Variants in CYRIA observed in about 807,000 individuals in gnomAD.
The protein encoded by CYRIA is CYFIP related Rac1 interactor A, also known as CYFIP-related Rac1 interactor A.
CYRIA carries 15 observed loss-of-function variants against 43.9 expected under a neutral mutation model. The observed-to-expected ratio is 0.34, with a 90% CI of 0.23 to 0.53. The LOEUF is 0.53. CYRIA is among the 20% of genes least tolerant of loss of function. The probability of loss-of-function intolerance (pLI) is 0.94; values close to 1 mark genes in which losing one functional copy is unlikely to be tolerated. For missense variants in CYRIA, 236 were observed against 394.2 expected (o/e 0.60, Z 3.40); for synonymous variants, 117 against 136.0 (o/e 0.86, Z 0.97).
chr2:16,561,202 G>A lies in CYRIA; in HGVS notation c.589C>T (p.Leu197=), dbSNP rs548693792. The change falls in exon 8 of 12, where the codon CTG becomes TTG. Residue 197 remains leucine, a synonymous_variant. Coordinates refer to ENST00000381323, the MANE Select transcript of CYRIA (RefSeq NM_030797.4). ...SLFYAEATPM[L]KTLSNATMHF... ...ATTGTGGCATTGCTAAGGGTTTTCA[G>A]CATTGGCGTGGCTTCTGCATAGAAG... 1.9e-6 allele frequency: 3 copies of A among 1,613,792 alleles called. No homozygotes were observed. The African/African-American group carries it at 4.0e-5, about 22-fold the overall frequency.
intron 10 of CYRIA, among the ~76,000 whole-genome samples, chr2:16,558,135 G>T (rs76092983): frequency 6.6e-6 from 1 of 152,064 alleles, no homozygotes; most frequent in Non-Finnish European, 1.5e-5. Context: ...CTGTATGAAC[G>T]GTGATCCTCT....
intron 1 of CYRIA, among the ~76,000 whole-genome samples, chr2:16,649,720 C>T (rs960196974): frequency 6.6e-6 from 1 of 151,874 alleles, no homozygotes; most frequent in Non-Finnish European, 1.5e-5. Flanking sequence ...TTGTACAGTA[C>T]AGGGGATGGC....
At chr2:16,591,483 A>G (rs896799737) in intron 2 of CYRIA, among the ~76,000 whole-genome samples, 2 of 152,170 alleles carry the variant, frequency 1.3e-5, no homozygotes, top group African/African-American at 4.8e-5. Flanking sequence ...TCTGGTTTCT[A>G]AAAGAAGAGG....
chr2:16,615,111 C>T (rs377000986), intron 2 of CYRIA, among the ~76,000 whole-genome samples: 1 of 152,200 alleles, frequency 6.6e-6, no homozygotes, highest in Non-Finnish European at 1.5e-5. Flanking sequence ...TTTCTAGGCT[C>T]TTACTGCTCT....
intron 2 of CYRIA, among the ~76,000 whole-genome samples, chr2:16,606,945 T>C (rs1372142566): frequency 6.6e-6 from 1 of 151,934 alleles, no homozygotes; most frequent in Non-Finnish European, 1.5e-5. Context: ...ATATAAAAAA[T>C]TATGTTGGTA....
At chr2:16,626,523 C>T in intron 1 of CYRIA, among the ~76,000 whole-genome samples, 1 of 152,198 alleles carries the variant, frequency 6.6e-6, no homozygotes, top group East Asian at 1.9e-4. Context: ...CCAGGTCCCA[C>T]AGCTAATGGC....
intron 2 of CYRIA, among the ~76,000 whole-genome samples, chr2:16,593,656 GA>G (rs1318687023): frequency 2.0e-5 from 3 of 150,030 alleles, no homozygotes; most frequent in African/African-American, 7.4e-5. Context: ...GTAATACTTG[GA>G]TTATCATCAA....
intron 1 of CYRIA, among the ~76,000 whole-genome samples, chr2:16,663,903 CAGAGAT>C (rs1670326207): frequency 6.6e-6 from 1 of 152,110 alleles, no homozygotes; most frequent in Non-Finnish European, 1.5e-5. Flanking sequence ...GGGAGCCCAA[CAGAGAT>C]GCGTGTATGT....
At chr2:16,557,256 C>A (rs1029863951) in intron 10 of CYRIA, among the ~76,000 whole-genome samples, 1 of 152,104 alleles carries the variant, frequency 6.6e-6, no homozygotes, top group African/African-American at 2.4e-5. Flanking sequence ...TTGGGATAAT[C>A]CTACATCTTC....
intron 1 of CYRIA, among the ~76,000 whole-genome samples, chr2:16,646,430 C>T (rs1669822656): frequency 6.6e-6 from 1 of 152,132 alleles, no homozygotes; most frequent in Non-Finnish European, 1.5e-5. Flanking sequence ...ATGGAGAGAA[C>T]TTGTATAGGC....
intron 3 of CYRIA, among the ~76,000 whole-genome samples, chr2:16,584,376 C>A (rs892774888): frequency 6.6e-6 from 1 of 152,144 alleles, no homozygotes; most frequent in Non-Finnish European, 1.5e-5. Context: ...AGTGCTGAGT[C>A]ACAAAACTGA....
intron 1 of CYRIA, among the ~76,000 whole-genome samples, chr2:16,665,253 C>T (rs1004987578): frequency 3.3e-5 from 5 of 152,028 alleles, no homozygotes; most frequent in Non-Finnish European, 5.9e-5. Context: ...AGGGTGACGG[C>T]AAGGTGTGCT....
At chr2:16,593,957 T>A (rs1411378797) in intron 2 of CYRIA, among the ~76,000 whole-genome samples, 14 of 107,180 alleles carry the variant, frequency 1.3e-4, no homozygotes, top group Non-Finnish European at 2.0e-4. Context: ...AATTCCCACC[T>A]ATGAGTGAGA....
intron 3 of CYRIA, among the ~76,000 whole-genome samples, chr2:16,576,554 CA>C (rs1215827656): frequency 6.6e-6 from 1 of 152,126 alleles, no homozygotes; most frequent in Admixed American, 6.5e-5. Context: ...TTTCTCAGAT[CA>C]AATTAGTTAT....
At chr2:16,665,684 C>A (rs914946014) in intron 1 of CYRIA, 96 bp downstream of exon 1, 4 of 150,436 alleles carry the variant, frequency 2.7e-5, no homozygotes, top group African/African-American at 9.7e-5. Flanking sequence ...GCCCGCCCCG[C>A]CTCGCGGTGC....
intron 2 of CYRIA, among the ~76,000 whole-genome samples, chr2:16,603,160 T>C (rs565919249): frequency 6.6e-6 from 1 of 152,280 alleles, no homozygotes; most frequent in African/African-American, 2.4e-5. Context: ...ACAGAACGCC[T>C]GGACCCCGCC....
At chr2:16,655,780 T>C (rs1308124042) in intron 1 of CYRIA, among the ~76,000 whole-genome samples, 1 of 152,218 alleles carries the variant, frequency 6.6e-6, no homozygotes, top group Non-Finnish European at 1.5e-5. Context: ...TGGTCTTTTT[T>C]TTTTAAACCT....
intron 9 of CYRIA, among the ~76,000 whole-genome samples, chr2:16,559,853 ACCT>A (rs1346414416): frequency 6.6e-6 from 1 of 152,092 alleles, no homozygotes. Context: ...CTCATCATGT[ACCT>A]CACTCCTCCA....
chr2:16,616,437 C>T (rs1430890227), intron 2 of CYRIA, among the ~76,000 whole-genome samples: 1 of 152,204 alleles, frequency 6.6e-6, no homozygotes, highest in African/African-American at 2.4e-5. Flanking sequence ...CCCCCGGGCT[C>T]CTGCTTCCAC....
Sources: allele counts gnomAD v4.1 joint callset (sites outside exome capture counted in the v4.1 genomes callset), GRCh38; gene constraint gnomAD v4.1.1; transcripts MANE v1.5; gene names NCBI Gene and HGNC (gene_info 2026-07-23, HGNC 2026-07-21).